The following AP1B1 variants were observed in gnomAD, a reference collection of about 807,000 sequenced individuals.
The protein encoded by AP1B1 is adaptor related protein complex 1 subunit beta 1, also known as AP-1 complex subunit beta-1.
In AP1B1, 36 loss-of-function variants were observed where a neutral mutation model predicts 104.3. The observed-to-expected ratio is 0.35, with a 90% CI of 0.26 to 0.46. AP1B1 has a LOEUF of 0.46. Among genes scored for constraint, AP1B1 ranks in the 20% least tolerant of loss-of-function variants. AP1B1 has a pLI of 1.00. For synonymous variants in AP1B1, 504 were observed against 517.5 expected, an observed-to-expected ratio of 0.97 and a Z score of 0.35; for missense variants, 901 against 1,247.9, an observed-to-expected ratio of 0.72 and a Z score of 4.19.
intron 2 of AP1B1, among the ~76,000 whole-genome samples, chr22:29,365,514 C>T (rs1445474831): frequency 6.6e-6 from 1 of 152,086 alleles, no homozygotes; most frequent in Non-Finnish European, 1.5e-5. Flanking sequence ...ACAACAAAAC[C>T]CACCCCTGGG....
At chr22:29,355,610 G>A (rs2061944504) in intron 6 of AP1B1, among the ~76,000 whole-genome samples, 1 of 152,098 alleles carries the variant, frequency 6.6e-6, no homozygotes. Flanking sequence ...TCACAGGGTT[G>A]CTAGGGGCTT....
chr22:29,364,381 G>C (rs2062098543), intron 2 of AP1B1, among the ~76,000 whole-genome samples: 1 of 152,198 alleles, frequency 6.6e-6, no homozygotes, highest in African/African-American at 2.4e-5. Flanking sequence ...CCTGATAACA[G>C]GTTAGGAGGG....
At chr22:29,357,470 A>G (rs1386700585) in intron 5 of AP1B1, among the ~76,000 whole-genome samples, 1 of 151,910 alleles carries the variant, frequency 6.6e-6, no homozygotes, top group African/African-American at 2.4e-5. Context: ...GGCTCAAGCA[A>G]TCCTCCTGCC....
intron 11 of AP1B1, among the ~76,000 whole-genome samples, chr22:29,344,237 T>G (rs1473233915): frequency 6.6e-6 from 1 of 152,100 alleles, no homozygotes; most frequent in Non-Finnish European, 1.5e-5. Context: ...CCCAGTCCAG[T>G]CAGCCGGATG....
intron 17 of AP1B1, chr22:29,332,146 A>G: frequency 2.1e-6 from 1 of 465,404 alleles, no homozygotes; most frequent in East Asian, 3.6e-5. Flanking sequence ...GCTCTGCCCC[A>G]GCCTGGCTGC....
chr22:29,339,806 A>G, intron 14 of AP1B1, 32 bp from the exon 15 acceptor site: 2 of 1,601,444 alleles, frequency 1.2e-6, no homozygotes, highest in East Asian at 2.3e-5. Context: ...TGAAGAGAAC[A>G]GGCAGCCACA....
At chr22:29,359,714 T>C in intron 4 of AP1B1, 110 bp downstream of exon 4, 1 of 1,429,116 alleles carries the variant, frequency 7.0e-7, no homozygotes, top group Admixed American at 2.2e-5. Flanking sequence ...GCGCGGGCAG[T>C]CTGAAGGTCT....
intron 2 of AP1B1, among the ~76,000 whole-genome samples, chr22:29,363,758 G>A (rs2062088780): frequency 6.6e-6 from 1 of 152,020 alleles, no homozygotes; most frequent in African/African-American, 2.4e-5. Context: ...TTAGCCGGGT[G>A]TGGTGGCATG....
intron 1 of AP1B1, among the ~76,000 whole-genome samples, chr22:29,381,070 C>T: frequency 6.6e-6 from 1 of 152,232 alleles, no homozygotes; most frequent in East Asian, 1.9e-4. Flanking sequence ...TGCATCCACC[C>T]CAGGGCCTTT....
rs549486873 is a variant in AP1B1 at position 29,340,052 on chromosome 22, TGCCACCGTGCG to T, written c.1999-289_1999-279del. ...GATCACCAGTGTCCTGCCCCCGTGC[TGCCACCGTGCG>T]GACCTGAGCCGAGCACAGCCAAATG... is the stretch of plus-strand genomic sequence containing the variant. On this transcript the variant is annotated intron_variant, in intron 14 of 22. Transcript: ENST00000357586. 3.6e-4 allele frequency among the ~76,000 whole-genome samples: 55 copies of T among 152,212 alleles called. 2 individuals carry two copies. In the South Asian group the frequency reaches 0.011, roughly 32 times the overall value.
chr22:29,383,054 A>G (rs2062461980), intron 1 of AP1B1, among the ~76,000 whole-genome samples: 1 of 152,188 alleles, frequency 6.6e-6, no homozygotes, highest in African/African-American at 2.4e-5. Context: ...AAAATGAAGT[A>G]AGCAACTAGA....
intron 20 of AP1B1, 44 bp downstream of exon 20, chr22:29,330,579 T>C (rs781003691): frequency 4.3e-6 from 7 of 1,612,754 alleles, no homozygotes; most frequent in Non-Finnish European, 5.9e-6. Flanking sequence ...CGCGGGGGCC[T>C]GGGTACAGGC....
intron 21 of AP1B1, 90 bp from the exon 22 acceptor site, chr22:29,329,810 C>T: frequency 1.3e-6 from 2 of 1,587,248 alleles, no homozygotes; most frequent in Non-Finnish European, 1.7e-6. Flanking sequence ...CGCCACAGCC[C>T]CCCACCGACC....
intron 14 of AP1B1, among the ~76,000 whole-genome samples, chr22:29,340,279 A>G (rs1203332188): frequency 6.6e-6 from 1 of 152,174 alleles, no homozygotes; most frequent in Non-Finnish European, 1.5e-5. Flanking sequence ...GGGTAAGTGG[A>G]CACAAGTCTG....
At chr22:29,339,431 G>T (rs568427576) in intron 15 of AP1B1, among the ~76,000 whole-genome samples, 1 of 152,274 alleles carries the variant, frequency 6.6e-6, no homozygotes, top group South Asian at 2.1e-4. Flanking sequence ...CACACGGCTG[G>T]GTGGAGACAT....
intron 16 of AP1B1, among the ~76,000 whole-genome samples, chr22:29,335,489 C>A (rs2061625461): frequency 6.6e-6 from 1 of 151,730 alleles, no homozygotes; most frequent in Non-Finnish European, 1.5e-5. Flanking sequence ...GCCTCCAGGG[C>A]CTCCATTTCT....
At chr22:29,353,367 G>C (rs2061906649) in intron 7 of AP1B1, among the ~76,000 whole-genome samples, 1 of 152,164 alleles carries the variant, frequency 6.6e-6, no homozygotes, top group Non-Finnish European at 1.5e-5. Context: ...ATTAGGACTT[G>C]GCAAAAGCTG....
chr22:29,363,777 G>A (rs557417941), intron 2 of AP1B1, among the ~76,000 whole-genome samples: 54 of 151,912 alleles, frequency 3.6e-4, no homozygotes, highest in African/African-American at 1.2e-3. Context: ...TGTGCCTGCC[G>A]TGCCAGCTAC....
intron 2 of AP1B1, among the ~76,000 whole-genome samples, chr22:29,364,006 AG>A (rs1310858681): frequency 2.0e-5 from 3 of 152,242 alleles, no homozygotes; most frequent in African/African-American, 7.2e-5. Context: ...GGCTCTGCTC[AG>A]CCAGGGAGCT....
Sources: allele counts gnomAD v4.1 joint callset (sites outside exome capture counted in the v4.1 genomes callset), GRCh38; gene constraint gnomAD v4.1.1; transcripts MANE v1.5; gene names NCBI Gene and HGNC (gene_info 2026-07-23, HGNC 2026-07-21).